PRKCA: variants seen among roughly 807,000 people sequenced by gnomAD.
PRKCA encodes protein kinase C alpha type.
PRKCA carries 27 observed loss-of-function variants against 87.0 expected under a neutral mutation model. The observed-to-expected ratio is 0.31, with a 90% CI of 0.23 to 0.43. The LOEUF is 0.43. Among genes scored for constraint, PRKCA ranks in the 20% least tolerant of loss-of-function variants. The probability of loss-of-function intolerance (pLI) is 1.00; values close to 1 mark genes in which losing one functional copy is unlikely to be tolerated. For missense variants in PRKCA, 518 were observed against 852.3 expected (o/e 0.61, Z 4.88); for synonymous variants, 329 against 311.1 (o/e 1.06, Z -0.61).
At chr17:66,486,058 A>G (rs1327108290) in intron 2 of PRKCA, among the ~76,000 whole-genome samples, 1 of 152,172 alleles carries the variant, frequency 6.6e-6, no homozygotes. Context: ...TGCCCTTAAG[A>G]GATTAAAGGA....
At chr17:66,765,840 A>G (rs75656908) in intron 13 of PRKCA, among the ~76,000 whole-genome samples, 120 of 152,264 alleles carry the variant, frequency 7.9e-4, no homozygotes, top group Middle Eastern at 3.4e-3. Context: ...AACCAGAGGT[A>G]TTTATTAACC....
At chr17:66,527,614 CT>C (rs1300803803) in intron 3 of PRKCA, among the ~76,000 whole-genome samples, 1 of 152,256 alleles carries the variant, frequency 6.6e-6, no homozygotes, top group Non-Finnish European at 1.5e-5. Flanking sequence ...CTCAAACCTC[CT>C]CCCGTCAGCT....
intron 8 of PRKCA, among the ~76,000 whole-genome samples, chr17:66,720,278 C>T (rs970815343): frequency 4.6e-5 from 7 of 152,302 alleles, no homozygotes; most frequent in East Asian, 1.9e-4. Context: ...GGCCCTCAGG[C>T]GGCAGCGTGC....
In PRKCA at chr17:66,596,244, C is replaced by G. The variant is rs113058955; in HGVS notation, c.289-45111C>G. Among the ~76,000 whole-genome samples, 32 of 152,272 alleles carry G rather than the reference C, an allele frequency of 2.1e-4. 1 individual carries two copies. The highest frequency in any genetic ancestry group is 9.2e-4 in the Admixed American group (14 of 15,286). ...TTCTGGCGTATTTACCGCTTTGTAA[C>G]TTTGCTGTTTATTGTGGTTCCTTGG... On this transcript the variant is annotated intron_variant, in intron 3 of 16. Transcript: ENST00000413366.
chr17:66,313,675 T>C (rs968253879), intron 2 of PRKCA, among the ~76,000 whole-genome samples: 3 of 152,382 alleles, frequency 2.0e-5, no homozygotes, highest in African/African-American at 7.2e-5. Context: ...TGGTAATAAC[T>C]GGAGCTCAAT....
At chr17:66,613,001 A>C (rs1301532821) in intron 3 of PRKCA, among the ~76,000 whole-genome samples, 2 of 152,242 alleles carry the variant, frequency 1.3e-5, no homozygotes, top group Non-Finnish European at 2.9e-5. Flanking sequence ...AGAATAGAAC[A>C]TTAAGCTTAG....
intron 2 of PRKCA, among the ~76,000 whole-genome samples, chr17:66,435,456 A>G (rs1486815815): frequency 6.6e-6 from 1 of 152,088 alleles, no homozygotes; most frequent in Non-Finnish European, 1.5e-5. Context: ...CTGTGTTCTT[A>G]TTGGCAATCG....
chr17:66,333,384 G>A (rs1906469210), intron 2 of PRKCA, among the ~76,000 whole-genome samples: 1 of 152,170 alleles, frequency 6.6e-6, no homozygotes, highest in Non-Finnish European at 1.5e-5. Context: ...TAGCATGAAT[G>A]ATCAAGCTGT....
At chr17:66,632,607 T>G (rs957179541) in intron 3 of PRKCA, among the ~76,000 whole-genome samples, 1 of 152,160 alleles carries the variant, frequency 6.6e-6, no homozygotes, top group East Asian at 1.9e-4. Context: ...CTTGAACTCC[T>G]GAGCTCAAAC....
intron 2 of PRKCA, among the ~76,000 whole-genome samples, chr17:66,338,738 G>A (rs744214): frequency 0.32 from 49,235 of 152,020 alleles, 8,913 homozygotes; most frequent in African/African-American, 0.48. Context: ...TTTGTGGAAT[G>A]TACTATAACC....
At chr17:66,758,363 G>T (rs1163390842) in intron 13 of PRKCA, among the ~76,000 whole-genome samples, 4 of 152,166 alleles carry the variant, frequency 2.6e-5, no homozygotes, top group African/African-American at 4.8e-5. Flanking sequence ...CTGGTATCAA[G>T]AAAGAAATTT....
chr17:66,302,845 G>C lies in PRKCA; in HGVS notation c.-7G>C, dbSNP rs773996857. ...CCGGCGGAGGCAAGAGGTGGTTGGG[G>C]GGGACCATGGCTGACGTTTTCCCGG... On this transcript the variant is annotated 5_prime_UTR_variant, in exon 1 of 17. Coordinates refer to ENST00000413366, the MANE Select transcript of PRKCA (RefSeq NM_002737.3). 3 of 1,592,616 alleles carry C rather than the reference G, an allele frequency of 1.9e-6. No individual in the cohort carries two copies. The highest frequency in any genetic ancestry group is 4.7e-5 in the East Asian group (2 of 42,838).
At chr17:66,440,469 T>C (rs1017652960) in intron 2 of PRKCA, among the ~76,000 whole-genome samples, 2 of 152,216 alleles carry the variant, frequency 1.3e-5, no homozygotes, top group Admixed American at 6.5e-5. Context: ...AAGATAGACT[T>C]TGCTGACAAG....
At chr17:66,517,565 A>G (rs1046383439) in intron 3 of PRKCA, among the ~76,000 whole-genome samples, 12 of 152,174 alleles carry the variant, frequency 7.9e-5, no homozygotes, top group African/African-American at 2.9e-4. Context: ...ACAAATATTT[A>G]TTGAATTAGC....
At chr17:66,566,479 G>GTT (rs368602635) in intron 3 of PRKCA, among the ~76,000 whole-genome samples, 1,721 of 74,522 alleles carry the variant, frequency 0.023, 93 homozygotes, top group Middle Eastern at 0.035. Context: ...GTTGTTTTTT[G>GTT]GTTTTTTTTT....
intron 8 of PRKCA, among the ~76,000 whole-genome samples, chr17:66,717,905 G>A (rs1425664430): frequency 2.0e-5 from 3 of 152,254 alleles, no homozygotes; most frequent in Middle Eastern, 3.4e-3. Context: ...TCCCGCCTCC[G>A]GGAGAAAACT....
At chr17:66,488,227 A>T (rs1487910345) in intron 2 of PRKCA, among the ~76,000 whole-genome samples, 2 of 152,218 alleles carry the variant, frequency 1.3e-5, no homozygotes, top group Non-Finnish European at 2.9e-5. Context: ...CAGAAAACTC[A>T]TTCAAACTGG....
chr17:66,783,612 G>A (rs1158494630), intron 14 of PRKCA, among the ~76,000 whole-genome samples: 1 of 152,216 alleles, frequency 6.6e-6, no homozygotes. Flanking sequence ...GCCCTGCACA[G>A]AATGTTCCCC....
chr17:66,665,395 C>T (rs1972016797), intron 5 of PRKCA, among the ~76,000 whole-genome samples: 1 of 152,128 alleles, frequency 6.6e-6, no homozygotes, highest in Non-Finnish European at 1.5e-5. Flanking sequence ...CGCTGAGTCA[C>T]CTGCATGAGT....
Sources: allele counts gnomAD v4.1 joint callset (sites outside exome capture counted in the v4.1 genomes callset), GRCh38; gene constraint gnomAD v4.1.1; transcripts MANE v1.5; gene names NCBI Gene and HGNC (gene_info 2026-07-23, HGNC 2026-07-21).